The following ABLIM1 variants were observed in gnomAD, a reference collection of about 807,000 sequenced individuals.
ABLIM1 encodes actin-binding LIM protein 1.
A neutral mutation model predicts 107.0 loss-of-function variants in ABLIM1; 40 were observed. The observed-to-expected ratio is 0.37, with a 90% CI of 0.29 to 0.49. ABLIM1 has a LOEUF of 0.49. Ranked by LOEUF, ABLIM1 falls within the 20% of genes least tolerant of loss-of-function variation. The pLI is 0.97. For synonymous variants in ABLIM1, 357 were observed against 357.3 expected (o/e 1.00, Z 0.01); for missense variants, 857 against 1,008.5 (o/e 0.85, Z 2.04).
intron 6 of ABLIM1, among the ~76,000 whole-genome samples, chr10:114,509,357 A>G (rs2497705): frequency 1 from 151,982 of 152,166 alleles, 75,900 homozygotes; most frequent in Middle Eastern, 1. Flanking sequence ...GGGCTCAGGC[A>G]GTATTTGTTG....
intron 6 of ABLIM1, among the ~76,000 whole-genome samples, chr10:114,494,272 C>T (rs1166532580): frequency 6.6e-6 from 1 of 152,224 alleles, no homozygotes; most frequent in African/African-American, 2.4e-5. Flanking sequence ...GTGGCTCATG[C>T]CTCTAATCCC....
chr10:114,528,414 T>C (rs2065092969), intron 6 of ABLIM1, among the ~76,000 whole-genome samples: 1 of 152,240 alleles, frequency 6.6e-6, no homozygotes, highest in African/African-American at 2.4e-5. Flanking sequence ...TCCCAAGCAG[T>C]GCTGAGAAAA....
intron 6 of ABLIM1, among the ~76,000 whole-genome samples, chr10:114,512,194 G>A (rs1324951513): frequency 6.6e-6 from 1 of 152,134 alleles, no homozygotes; most frequent in Non-Finnish European, 1.5e-5. Flanking sequence ...ACAAAAGGAT[G>A]TTTTTTTCCT....
chr10:114,465,484 T>C, intron 12 of ABLIM1: 1 of 479,364 alleles, frequency 2.1e-6, no homozygotes, highest in African/African-American at 2.0e-5. Context: ...AATATAATTA[T>C]TTAATAAATC....
At chr10:114,544,545 G>A (rs2067079472) in intron 6 of ABLIM1, among the ~76,000 whole-genome samples, 1 of 152,138 alleles carries the variant, frequency 6.6e-6, no homozygotes, top group African/African-American at 2.4e-5. Context: ...TTTGAAGTTT[G>A]GGGAAGCCAA....
At position 114,431,566 on chromosome 10, in the gene ABLIM1, AC is replaced by A. The variant is rs1259145361; in HGVS notation, c.*4693del. On this transcript the variant is annotated 3_prime_UTR_variant, in exon 23 of 23. Coordinates refer to ENST00000533213, the MANE Select transcript of ABLIM1 (RefSeq NM_002313.7). ...CCCCAAAAGAACATCAGTTTTGTGG[AC>A]AATGGTTTCCTCTGCTGTAAAGAAA... 5 of 152,248 alleles carry A rather than the reference AC, an allele frequency of 3.3e-5. No individual in the cohort carries two copies. The highest frequency in any genetic ancestry group is 7.3e-5 in the Non-Finnish European group (5 of 68,040). The allele number at this position is 152,248 out of a possible 1,614,324, so 9.4% of individuals were successfully genotyped here.
intron 6 of ABLIM1, among the ~76,000 whole-genome samples, chr10:114,538,717 A>T (rs1179358968): frequency 6.6e-6 from 1 of 152,130 alleles, no homozygotes; most frequent in African/African-American, 2.4e-5. Flanking sequence ...CCTTTCAGGG[A>T]GGAGAACAAA....
chr10:114,789,715 T>C, the ABLIM1 span, among the ~76,000 whole-genome samples: 1 of 152,178 alleles, frequency 6.6e-6, no homozygotes, highest in Admixed American at 6.5e-5. Flanking sequence ...TGGCCACATG[T>C]ATATCTTCTT....
chr10:114,774,438 A>G, the ABLIM1 span, among the ~76,000 whole-genome samples: 2 of 152,160 alleles, frequency 1.3e-5, no homozygotes, highest in Non-Finnish European at 2.9e-5. Flanking sequence ...GCCATGGTGG[A>G]TGGAAGTTGT....
chr10:114,491,928 C>A, intron 6 of ABLIM1, 50 bp from the exon 7 acceptor site: 1 of 1,387,292 alleles, frequency 7.2e-7, no homozygotes, highest in Non-Finnish European at 1.0e-6. Context: ...GTCATGGATT[C>A]CAGAATCTTT....
intron 1 of ABLIM1, among the ~76,000 whole-genome samples, chr10:114,763,758 T>C (rs980908912): frequency 5.9e-5 from 9 of 152,180 alleles, no homozygotes; most frequent in African/African-American, 2.2e-4. Flanking sequence ...GACCCGGCAT[T>C]AGAGAAAATA....
chr10:114,783,591 G>A, the ABLIM1 span, among the ~76,000 whole-genome samples: 1 of 151,848 alleles, frequency 6.6e-6, no homozygotes, highest in East Asian at 1.9e-4. Flanking sequence ...GGTGGGATAG[G>A]GGAGTTAAGA....
intron 1 of ABLIM1, among the ~76,000 whole-genome samples, chr10:114,615,048 C>T (rs530030136): frequency 0.011 from 890 of 83,842 alleles, 8 homozygotes; most frequent in Admixed American, 0.014. Context: ...AAAACTCTGT[C>T]TCAAAAAAAA....
At chr10:114,512,866 AGG>A (rs1370416240) in intron 6 of ABLIM1, among the ~76,000 whole-genome samples, 1 of 135,648 alleles carries the variant, frequency 7.4e-6, no homozygotes, top group Non-Finnish European at 1.6e-5. Context: ...GAAGGAAGGA[AGG>A]AAGGAAGGAA....
intron 1 of ABLIM1, among the ~76,000 whole-genome samples, chr10:114,681,947 C>T (rs1398649064): frequency 6.6e-6 from 1 of 152,214 alleles, no homozygotes; most frequent in Non-Finnish European, 1.5e-5. Flanking sequence ...CCTTTGGAAG[C>T]AGGAAAACCT....
intron 6 of ABLIM1, among the ~76,000 whole-genome samples, chr10:114,493,788 C>T (rs2059324031): frequency 6.6e-6 from 1 of 152,110 alleles, no homozygotes; most frequent in African/African-American, 2.4e-5. Context: ...TATGATATTT[C>T]TAGATGGAGA....
intron 1 of ABLIM1, among the ~76,000 whole-genome samples, chr10:114,742,269 T>A (rs1319746317): frequency 6.6e-6 from 1 of 152,224 alleles, no homozygotes; most frequent in African/African-American, 2.4e-5. Context: ...CTGGATATTT[T>A]TAATTGCTAC....
chr10:114,458,496 T>C (rs1241988856), intron 12 of ABLIM1, among the ~76,000 whole-genome samples: 1 of 152,164 alleles, frequency 6.6e-6, no homozygotes, highest in Non-Finnish European at 1.5e-5. Context: ...GTTGGAGCAC[T>C]GCCTAGCTTT....
intron 20 of ABLIM1, 169 bp downstream of exon 20, chr10:114,439,913 C>G (rs2059953780): frequency 1.3e-5 from 16 of 1,186,438 alleles, no homozygotes; most frequent in Non-Finnish European, 1.8e-5. Flanking sequence ...ACAGCTTGAC[C>G]CAGGCACCAG....
Sources: gnomAD v4.1 joint callset for allele counts (sites outside exome capture counted in the v4.1 genomes callset) on GRCh38, gnomAD v4.1.1 for gene constraint, MANE v1.5 for transcripts, NCBI Gene and HGNC (gene_info 2026-07-23, HGNC 2026-07-21) for gene names.